The following NCSTN variants were observed in gnomAD, a reference collection of about 807,000 sequenced individuals.
NCSTN encodes the protein anterior pharynx-defective 2.
A neutral mutation model predicts 87.0 loss-of-function variants in NCSTN; 22 were observed. The observed-to-expected ratio is 0.25, with a 90% CI of 0.18 to 0.36. NCSTN has a LOEUF of 0.36. Ranked by LOEUF, NCSTN falls within the 10% of genes least tolerant of loss-of-function variation. NCSTN has a pLI of 1.00. For missense variants in NCSTN, 693 were observed against 883.3 expected (o/e 0.78, Z 2.73); for synonymous variants, 306 against 327.1 (o/e 0.94, Z 0.69).
chr1:160,347,989 A>G (rs933258594), intron 2 of NCSTN, among the ~76,000 whole-genome samples: 1 of 151,928 alleles, frequency 6.6e-6, no homozygotes, highest in Admixed American at 6.6e-5. Flanking sequence ...AGGGCCGGGC[A>G]TGGTGGCTCA....
chr1:160,346,397 A>C (rs1171633111), intron 2 of NCSTN, among the ~76,000 whole-genome samples: 2 of 152,226 alleles, frequency 1.3e-5, no homozygotes, highest in Non-Finnish European at 2.9e-5. Flanking sequence ...AGTGCTGTAT[A>C]ATTTCCTGAA....
At position 160,355,877 on chromosome 1, in the gene NCSTN, G is replaced by C. The variant is rs116766004; in HGVS notation, c.1470G>C (p.Val490=). 4.4e-4 allele frequency: 708 copies of C among 1,614,134 alleles called. 3 individuals carry two copies. In the African/African-American group the frequency reaches 7.9e-3, roughly 18 times the overall value. The change falls in exon 13 of 17, where the codon GTG becomes GTC. Residue 490 remains valine, a synonymous_variant. Transcript: ENST00000294785. The part of the protein sequence containing the change: ...VTDTAKALAD[V]ATVLGRALYE... ...ACCTACCACAGGCCCTGGCAGATGT[G>C]GCCACGGTGCTGGGACGTGCTCTGT...
rs1213487172 is a variant in NCSTN, at chr1:160,351,782, A to G, written c.820A>G (p.Arg274Gly). ...NTTGTLKPDD[R>G]VVVAATRLDS... is the part of the protein sequence containing the mutation. ...AACTGGGACATTAAAGCCTGACGAC[A>G]GGGTTGTGGTTGCTGCCACCCGGGT... Residue 274 changes from arginine to glycine, a missense_variant, in exon 7 of 17, where the codon AGG (arginine) becomes GGG (glycine). By Grantham distance (125) the Arg-to-Gly change is moderately radical (BLOSUM62 -2). Around this residue, in one of 4 missense-constraint regions of NCSTN, gnomAD observed 134 missense variants for 226.0 expected, o/e 0.59. Coordinates refer to ENST00000294785, the MANE Select transcript of NCSTN (RefSeq NM_015331.3). 1.9e-6 allele frequency: 3 copies of G among 1,612,400 alleles called. No individual in the cohort carries two copies. The highest frequency in any genetic ancestry group is 2.5e-6 in the Non-Finnish European group (3 of 1,178,500).
At chr1:160,349,220 T>C (rs1648696897) in intron 3 of NCSTN, 98 bp downstream of exon 3, 1 of 1,520,538 alleles carries the variant, frequency 6.6e-7, no homozygotes, top group African/African-American at 1.4e-5. Context: ...TTGGCTGCCC[T>C]GGTCTGGTCA....
At chr1:160,357,394 G>A in intron 16 of NCSTN, 141 bp downstream of exon 16, 1 of 914,114 alleles carries the variant, frequency 1.1e-6, no homozygotes, top group Non-Finnish European at 1.7e-6. Flanking sequence ...TGGTCAGCCA[G>A]CATGTTCCCT....
chr1:160,346,805 C>T (rs1432347695), intron 2 of NCSTN, among the ~76,000 whole-genome samples: 1 of 152,044 alleles, frequency 6.6e-6, no homozygotes, highest in Non-Finnish European at 1.5e-5. Context: ...CGGGGCTTCA[C>T]CATGTTGGCC....
chr1:160,345,218 G>A (rs1648404019), intron 2 of NCSTN: 6 of 307,496 alleles, frequency 2.0e-5, no homozygotes, highest in Non-Finnish European at 3.1e-5. Flanking sequence ...TTGACACGGA[G>A]TTTCACTCTT....
rs559728707 is a variant in NCSTN, at chr1:160,354,024, G to A, written c.1180-94G>A. On this transcript the variant is annotated intron_variant, in intron 10 of 16. Transcript: ENST00000294785. ...AGAGATAGGGTAGCTCCCCAAGCAG[G>A]GAACTTGAAGTATAGAGCATTTCAG... 2.9e-4 allele frequency: 392 copies of A among 1,336,536 alleles called. 2 individuals carry two copies. Among genetic ancestry groups the A allele is most frequent in the Middle Eastern group, 6.2e-4 (3 of 4,830 alleles). The allele number at this position is 1,336,536 out of a possible 1,614,324, so 82.8% of individuals were successfully genotyped here.
rs751244153 is a variant in NCSTN, at chr1:160,355,717, G to A, written c.1415G>A (p.Ser472Asn). Residue 472 changes from serine to asparagine, a missense_variant, in exon 12 of 17, where the codon AGC becomes AAC. Ser to Asn is a conservative substitution (Grantham distance 46). Transcript: ENST00000294785. ...NINVSYPEWL[S>N]PEEDLNFVTD... ...AATGTGAGCTATCCCGAATGGCTGAGCCCTGAAGAGGACCTGAACTTTGTA... is the reference window on the plus strand; with the variant it reads ...AATGTGAGCTATCCCGAATGGCTGAACCCTGAAGAGGACCTGAACTTTGTA... The A allele has an allele frequency of 3.7e-6, 6 of 1,614,078 alleles. No individual in the cohort carries two copies. The highest frequency in any genetic ancestry group is 8.5e-7 in the Non-Finnish European group (1 of 1,180,032).
At position 160,344,487 on chromosome 1, in the gene NCSTN, A is replaced by C. The variant is rs1355416472; in HGVS notation, c.86-235A>C. 2.0e-6 allele frequency: 3 copies of C among 1,530,624 alleles called. No individual in the cohort carries two copies. In the East Asian group the frequency reaches 7.4e-5, roughly 38 times the overall value. The allele number at this position is 1,530,624 out of a possible 1,614,324, so 94.8% of individuals were successfully genotyped here. A position where few individuals can be genotyped will look rare whatever the true frequency, so the allele number is the denominator to read the frequency against. On this transcript the variant is annotated intron_variant, in intron 1 of 16. Transcript: ENST00000294785. ...TTTCTCTCTTTTAGTGTCACTGTCA[A>C]TGGCGCTACATGGACTTTGTAATAA...
chr1:160,358,514 T>C lies in NCSTN; in HGVS notation c.*243T>C. 1.8e-6 allele frequency: 1 copy of C among 560,424 alleles called. No homozygotes were observed. The highest frequency in any genetic ancestry group is 3.2e-6 in the Non-Finnish European group (1 of 315,104). The allele number at this position is 560,424 out of a possible 1,614,324, so 34.7% of individuals were successfully genotyped here. ...CTTCCTTCTCTACTCATGCCAGATT[T>C]TGGGATTACAAATAGAAGCTTCTTG... On this transcript the variant is annotated 3_prime_UTR_variant, in exon 17 of 17. Coordinates refer to ENST00000294785, the MANE Select transcript of NCSTN (RefSeq NM_015331.3).
intron 2 of NCSTN, chr1:160,345,055 A>G: frequency 3.3e-6 from 2 of 602,848 alleles, no homozygotes; most frequent in East Asian, 2.8e-5. Flanking sequence ...CCCAACCACA[A>G]CCCCACAAAA....
chr1:160,352,645 C>A (rs1648919785), intron 8 of NCSTN, among the ~76,000 whole-genome samples: 1 of 152,176 alleles, frequency 6.6e-6, no homozygotes. Context: ...TCATCTTAGA[C>A]CTTTACTAAG....
chr1:160,358,089 A>G (rs200682187), intron 16 of NCSTN, 60 bp from the exon 17 acceptor site: 179 of 1,613,610 alleles, frequency 1.1e-4, no homozygotes, highest in East Asian at 4.5e-5. Flanking sequence ...CAGTTATCCA[A>G]AAAACTGCAC....
chr1:160,355,054 C>T (rs1649057740), intron 11 of NCSTN, among the ~76,000 whole-genome samples: 1 of 152,178 alleles, frequency 6.6e-6, no homozygotes, highest in Non-Finnish European at 1.5e-5. Context: ...GAAGATTCAT[C>T]ATTTGAACAC....
intron 12 of NCSTN, 46 bp from the exon 13 acceptor site, chr1:160,355,817 A>G (rs1278494108): frequency 1.2e-6 from 2 of 1,602,156 alleles, no homozygotes; most frequent in Admixed American, 3.3e-5. Context: ...CTAGCATTTG[A>G]GGATAGGAGA....
chr1:160,351,963 G>C (rs1648873232), intron 7 of NCSTN, 91 bp from the exon 8 acceptor site: 1 of 1,547,574 alleles, frequency 6.5e-7, no homozygotes, highest in Non-Finnish European at 8.9e-7. Context: ...ATTGCCACAG[G>C]ACAGGTATAT....
rs749209748 is a variant in NCSTN at position 160,343,418 on chromosome 1, T to C, written c.22T>C (p.Ser8Pro). The change falls in exon 1 of 17, where the codon TCT becomes CCT. Residue 8 changes from serine to proline, a missense_variant. This residue lies in a region of NCSTN where 235 missense variants were observed against 233.9 expected (regional missense o/e 1.00). Coordinates refer to ENST00000294785, the MANE Select transcript of NCSTN (RefSeq NM_015331.3). MATAGGG[S>P]GADPGSRGLL... ...CAAGATGGCTACGGCAGGGGGTGGC[T>C]CTGGGGCTGACCCGGGAAGTCGGGG... 1.2e-6 allele frequency: 2 copies of C among 1,612,852 alleles called. No individual in the cohort carries two copies. The highest frequency in any genetic ancestry group is 8.5e-7 in the Non-Finnish European group (1 of 1,179,742).
chr1:160,349,376 T>C, intron 3 of NCSTN, 173 bp from the exon 4 acceptor site: 2 of 1,062,760 alleles, frequency 1.9e-6, no homozygotes, highest in Non-Finnish European at 2.9e-6. Flanking sequence ...TCACTAAAGC[T>C]CTACTTTTTA....
Sources: allele counts gnomAD v4.1 joint callset (sites outside exome capture counted in the v4.1 genomes callset), GRCh38; gene constraint gnomAD v4.1.1; regional missense constraint gnomAD v4.1.1; transcripts MANE v1.5; gene names NCBI Gene and HGNC (gene_info 2026-07-23, HGNC 2026-07-21).